SAMSN1: variants seen among roughly 807,000 people sequenced by gnomAD.
SAMSN1 encodes the protein SAM domain, SH3 domain and nuclear localization signals 1.
SAMSN1 carries 31 observed loss-of-function variants against 42.0 expected under a neutral mutation model. That is an observed-to-expected ratio of 0.74 (90% CI 0.55 to 1.00). SAMSN1 has a LOEUF of 1.00. Among genes scored for constraint, SAMSN1 ranks in the 50% least tolerant of loss-of-function variants. The probability of loss-of-function intolerance (pLI) is 0.00; values close to 1 mark genes in which losing one functional copy is unlikely to be tolerated. For missense variants in SAMSN1, 464 were observed against 439.4 expected, an observed-to-expected ratio of 1.06 and a Z score of -0.50; for synonymous variants, 178 against 151.9, an observed-to-expected ratio of 1.17 and a Z score of -1.26.
chr21:14,492,137 C>T (rs1431607867), intron 7 of SAMSN1, among the ~76,000 whole-genome samples: 2 of 151,982 alleles, frequency 1.3e-5, no homozygotes, highest in Non-Finnish European at 2.9e-5. Context: ...TTTGTGCATT[C>T]GTATCTTGAA....
chr21:14,616,019 G>T (rs1982827768), intron 2 of SAMSN1: 1 of 579,622 alleles, frequency 1.7e-6, no homozygotes. Context: ...GAAACTCCCT[G>T]TAAAATAAAA....
intron 2 of SAMSN1, among the ~76,000 whole-genome samples, chr21:14,558,892 C>T (rs886474987): frequency 1.8e-4 from 28 of 152,096 alleles, no homozygotes; most frequent in Admixed American, 9.8e-4. Context: ...CTGATTTTTA[C>T]GCATATGAAA....
chr21:14,582,461 C>G (rs1981770928), exon 2 of SAMSN1: 1 of 1,389,028 alleles, frequency 7.2e-7, no homozygotes, highest in Non-Finnish European at 9.9e-7. Flanking sequence ...TAATTTCAAA[C>G]AAGAAATCAA....
At chr21:14,516,238 A>G (rs1987911550) in intron 3 of SAMSN1, among the ~76,000 whole-genome samples, 1 of 152,368 alleles carries the variant, frequency 6.6e-6, no homozygotes, top group South Asian at 2.1e-4. Flanking sequence ...AGTAATCACT[A>G]AGTGATAAAT....
chr21:14,619,148 A>C (rs1397348511), intron 2 of SAMSN1, among the ~76,000 whole-genome samples: 1 of 152,234 alleles, frequency 6.6e-6, no homozygotes, highest in Non-Finnish European at 1.5e-5. Flanking sequence ...GTAGATATCA[A>C]ATATATTTCT....
In SAMSN1 at chr21:14,498,449, T is replaced by C; in HGVS notation, c.912A>G (p.Glu304=). The C allele has an allele frequency of 1.9e-6, 3 of 1,609,948 alleles. No homozygotes were observed. The highest frequency in any genetic ancestry group is 2.5e-6 in the Non-Finnish European group (3 of 1,178,882). The part of the protein sequence containing the change: ...RLLSAAENFL[E]EEIIQEQENE... ...GTAGGTGTACACACTTACTTTCTTCTTCAAGGAAGTTTTCAGCAGCTGATA... is the reference window on the plus strand; with the variant it reads ...GTAGGTGTACACACTTACTTTCTTCCTCAAGGAAGTTTTCAGCAGCTGATA... The change falls in exon 7 of 8, where the codon GAA becomes GAG. Residue 304 remains glutamate (E), a synonymous_variant. Transcript: ENST00000400566.
chr21:14,509,606 G>A (rs978901348), intron 5 of SAMSN1, among the ~76,000 whole-genome samples: 1 of 152,188 alleles, frequency 6.6e-6, no homozygotes. Flanking sequence ...CCTTTGCTCT[G>A]CTCAGCTCTC....
intron 5 of SAMSN1, among the ~76,000 whole-genome samples, chr21:14,501,651 T>C (rs922948879): frequency 6.6e-6 from 1 of 152,106 alleles, no homozygotes; most frequent in African/African-American, 2.4e-5. Flanking sequence ...ATAAACCCAT[T>C]TCAAGTATTT....
At chr21:14,650,464 T>C (rs1004773337) in intron 1 of SAMSN1, among the ~76,000 whole-genome samples, 1 of 151,906 alleles carries the variant, frequency 6.6e-6, no homozygotes, top group Admixed American at 6.6e-5. Flanking sequence ...AAGAAGGAAA[T>C]TGGAAAATTT....
intron 1 of SAMSN1, among the ~76,000 whole-genome samples, chr21:14,540,689 T>A (rs1385061880): frequency 6.6e-6 from 1 of 152,246 alleles, no homozygotes; most frequent in Non-Finnish European, 1.5e-5. Context: ...TTGGTGGGAC[T>A]GTAAACTAGT....
upstream of SAMSN1, among the ~76,000 whole-genome samples, chr21:14,587,263 A>G (rs2123261454): frequency 6.6e-6 from 1 of 152,150 alleles, no homozygotes; most frequent in African/African-American, 2.4e-5. Flanking sequence ...TGCTTCCTTT[A>G]ATTCTATTAA....
chr21:14,636,614 A>C (rs1040079276), intron 2 of SAMSN1, among the ~76,000 whole-genome samples: 10 of 152,152 alleles, frequency 6.6e-5, no homozygotes, highest in Non-Finnish European at 2.9e-5. Context: ...AGGTCGAGGC[A>C]GGCGGATCAC....
At chr21:14,517,679 C>T (rs1357766440) in intron 2 of SAMSN1, among the ~76,000 whole-genome samples, 4 of 152,104 alleles carry the variant, frequency 2.6e-5, no homozygotes, top group African/African-American at 9.7e-5. Flanking sequence ...ATTAATCAAA[C>T]ATCTTATTTG....
chr21:14,659,306 C>T (rs1006142828), upstream of SAMSN1, among the ~76,000 whole-genome samples: 1 of 151,868 alleles, frequency 6.6e-6, no homozygotes, highest in African/African-American at 2.4e-5. Flanking sequence ...TAAAATGTAC[C>T]ACTTTAACCA....
chr21:14,574,029 A>G (rs904767217), intron 2 of SAMSN1, among the ~76,000 whole-genome samples: 2 of 152,192 alleles, frequency 1.3e-5, no homozygotes, highest in African/African-American at 4.8e-5. Flanking sequence ...GGCTCATTAT[A>G]TGTTCTAATG....
chr21:14,552,136 G>A (rs1002504685), intron 2 of SAMSN1, among the ~76,000 whole-genome samples: 2 of 152,006 alleles, frequency 1.3e-5, no homozygotes, highest in Admixed American at 6.6e-5. Flanking sequence ...CAGTATCATG[G>A]GGACAAATCT....
At chr21:14,629,208 GC>G (rs1983259480) in intron 2 of SAMSN1, among the ~76,000 whole-genome samples, 1 of 152,098 alleles carries the variant, frequency 6.6e-6, no homozygotes, top group Non-Finnish European at 1.5e-5. Context: ...CCTTCTTCAA[GC>G]CCTAATACTA....
At chr21:14,657,382 G>C (rs1230221496) in intron 1 of SAMSN1, among the ~76,000 whole-genome samples, 2 of 151,724 alleles carry the variant, frequency 1.3e-5, no homozygotes, top group African/African-American at 4.8e-5. Context: ...CATGAGTCAG[G>C]ACTTCGAGGC....
At chr21:14,514,625 A>C (rs1253194143) in intron 3 of SAMSN1, among the ~76,000 whole-genome samples, 1 of 152,164 alleles carries the variant, frequency 6.6e-6, no homozygotes, top group Non-Finnish European at 1.5e-5. Flanking sequence ...GAAAAGTGAG[A>C]AAAAGAAGGA....
Sources: allele counts gnomAD v4.1 joint callset (sites outside exome capture counted in the v4.1 genomes callset), GRCh38; gene constraint gnomAD v4.1.1; transcripts MANE v1.5; gene names NCBI Gene and HGNC (gene_info 2026-07-23, HGNC 2026-07-21).